The following CDH13 variants were observed in gnomAD, a reference collection of about 807,000 sequenced individuals.
The protein encoded by CDH13 is cadherin-13.
In CDH13, 24 loss-of-function variants were observed where a neutral mutation model predicts 63.8. The observed-to-expected ratio is 0.38, with a 90% CI of 0.27 to 0.53. The LOEUF (loss-of-function observed/expected upper bound fraction) is 0.53, where lower values mean the gene tolerates loss of function less well. Ranked by LOEUF, CDH13 falls within the 20% of genes least tolerant of loss-of-function variation. The pLI is 0.85. For missense variants in CDH13, 1,049 were observed against 903.1 expected, an observed-to-expected ratio of 1.16 and a Z score of -2.07; for synonymous variants, 503 against 355.3, an observed-to-expected ratio of 1.42 and a Z score of -4.67.
intron 13 of CDH13, among the ~76,000 whole-genome samples, chr16:83,786,010 A>G (rs115306132): frequency 0.011 from 1,703 of 152,254 alleles, 41 homozygotes; most frequent in African/African-American, 0.04. Context: ...TAAGAATACA[A>G]GTGTGAAGAT....
At chr16:83,194,028 C>T (rs1014621328) in intron 4 of CDH13, among the ~76,000 whole-genome samples, 2 of 152,220 alleles carry the variant, frequency 1.3e-5, no homozygotes, top group African/African-American at 2.4e-5. Context: ...GCCACCCACA[C>T]ACAGGATGCT....
intron 5 of CDH13, among the ~76,000 whole-genome samples, chr16:83,246,068 C>G (rs117612333): frequency 0.041 from 6,308 of 152,236 alleles, 164 homozygotes; most frequent in Middle Eastern, 0.075. Context: ...ACCAGGATGT[C>G]TTTTGTCCCA....
chr16:83,670,222 C>T (rs1015433616), intron 8 of CDH13, among the ~76,000 whole-genome samples: 2 of 152,116 alleles, frequency 1.3e-5, no homozygotes, highest in Non-Finnish European at 2.9e-5. Context: ...GGGTCAAATC[C>T]CAGTCTCTCC....
intron 1 of CDH13, among the ~76,000 whole-genome samples, chr16:82,804,446 G>A (rs2037044983): frequency 6.6e-6 from 1 of 151,988 alleles, no homozygotes; most frequent in Non-Finnish European, 1.5e-5. Context: ...CATTTAACAT[G>A]TGCAGTTTTA....
intron 6 of CDH13, among the ~76,000 whole-genome samples, chr16:83,446,768 G>A (rs964243309): frequency 4.6e-5 from 7 of 152,044 alleles, no homozygotes; most frequent in African/African-American, 1.7e-4. Flanking sequence ...AGGAACTCCT[G>A]GGCAACTGGA....
chr16:83,580,760 G>A (rs979432375), intron 7 of CDH13, among the ~76,000 whole-genome samples: 6 of 152,000 alleles, frequency 3.9e-5, no homozygotes, highest in African/African-American at 1.5e-4. Context: ...CCAAAGTGCT[G>A]GTATTACAGG....
intron 3 of CDH13, among the ~76,000 whole-genome samples, chr16:83,104,705 C>A (rs1195982806): frequency 6.6e-6 from 1 of 151,988 alleles, no homozygotes; most frequent in Non-Finnish European, 1.5e-5. Context: ...GAATTTCAGT[C>A]GTAGGAGATA....
intron 7 of CDH13, among the ~76,000 whole-genome samples, chr16:83,600,753 G>A (rs902536888): frequency 4.6e-5 from 7 of 152,124 alleles, no homozygotes; most frequent in South Asian, 2.1e-4. Context: ...TCTGTCCAAC[G>A]TGAGTTAAGC....
chr16:83,098,483 C>T (rs935057106), intron 3 of CDH13, among the ~76,000 whole-genome samples: 1 of 151,608 alleles, frequency 6.6e-6, no homozygotes, highest in African/African-American at 2.4e-5. Flanking sequence ...ATCCATCCAA[C>T]ATTATTTTTG....
chr16:82,941,040 G>C (rs886358382), intron 2 of CDH13, among the ~76,000 whole-genome samples: 1 of 152,100 alleles, frequency 6.6e-6, no homozygotes, highest in African/African-American at 2.4e-5. Context: ...ATATGACGGG[G>C]AACTTCTGGC....
At chr16:83,706,309 A>C (rs533476339) in intron 10 of CDH13, among the ~76,000 whole-genome samples, 1 of 152,298 alleles carries the variant, frequency 6.6e-6, no homozygotes, top group South Asian at 2.1e-4. Context: ...CAGCCTCAGA[A>C]ATCATACAGT....
chr16:83,028,964 C>T (rs1161795159), intron 2 of CDH13, among the ~76,000 whole-genome samples: 3 of 152,168 alleles, frequency 2.0e-5, no homozygotes, highest in Non-Finnish European at 2.9e-5. Context: ...CCTGGCTCAT[C>T]ATTTACAACC....
intron 10 of CDH13, among the ~76,000 whole-genome samples, chr16:83,724,358 A>G (rs545278937): frequency 6.6e-6 from 1 of 150,660 alleles, no homozygotes; most frequent in African/African-American, 2.4e-5. Context: ...TGATGAATGC[A>G]TGGGTGGGGG....
intron 5 of CDH13, among the ~76,000 whole-genome samples, chr16:83,270,176 G>A (rs1335457595): frequency 2.6e-5 from 4 of 152,116 alleles, no homozygotes; most frequent in Admixed American, 1.3e-4. Context: ...ATAATCTATT[G>A]AAATAAGCCC....
intron 6 of CDH13, among the ~76,000 whole-genome samples, chr16:83,402,078 A>T (rs1239223909): frequency 1.3e-5 from 2 of 152,084 alleles, no homozygotes; most frequent in Non-Finnish European, 2.9e-5. Context: ...TAGAGTACAT[A>T]GGTGTTAGAG....
At chr16:83,322,997 C>A (rs1006101862) in intron 5 of CDH13, among the ~76,000 whole-genome samples, 9 of 151,794 alleles carry the variant, frequency 5.9e-5, no homozygotes, top group Admixed American at 5.9e-4. Flanking sequence ...ACTTTCATAC[C>A]CATTTGTTTG....
chr16:83,462,492 C>T (rs2073206218), intron 6 of CDH13, among the ~76,000 whole-genome samples: 2 of 152,228 alleles, frequency 1.3e-5, no homozygotes, highest in African/African-American at 4.8e-5. Flanking sequence ...TGGCTTACGC[C>T]TGTAATCCCA....
At chr16:83,143,409 A>T (rs2036618359) in intron 4 of CDH13, among the ~76,000 whole-genome samples, 1 of 152,206 alleles carries the variant, frequency 6.6e-6, no homozygotes, top group African/African-American at 2.4e-5. Flanking sequence ...TATGTAACAT[A>T]TTACATAAAG....
intron 5 of CDH13, among the ~76,000 whole-genome samples, chr16:83,249,731 C>A (rs1905303432): frequency 6.6e-6 from 1 of 152,158 alleles, no homozygotes; most frequent in South Asian, 2.1e-4. Context: ...CATTCTAAGA[C>A]AATGCTACTG....
Sources: gnomAD v4.1 joint callset for allele counts (sites outside exome capture counted in the v4.1 genomes callset) on GRCh38, gnomAD v4.1.1 for gene constraint, MANE v1.5 for transcripts, NCBI Gene and HGNC (gene_info 2026-07-23, HGNC 2026-07-21) for gene names.